The following FGGY variants were observed in gnomAD, a reference collection of about 807,000 sequenced individuals.
FGGY encodes the protein FGGY carbohydrate kinase domain containing.
Under a neutral mutation model 71.3 loss-of-function variants are expected in FGGY, and 72 were observed. The ratio of observed to expected loss-of-function variants is 1.01; its 90% CI spans 0.84 to 1.23. FGGY has a LOEUF of 1.23. FGGY is among the 50% of genes most tolerant of loss of function. The pLI is 0.00. For missense variants in FGGY, 668 were observed against 682.3 expected, an observed-to-expected ratio of 0.98 and a Z score of 0.23; for synonymous variants, 251 against 250.3, an observed-to-expected ratio of 1.00 and a Z score of -0.02.
intron 5 of FGGY, among the ~76,000 whole-genome samples, chr1:59,434,745 C>G (rs2068061785): frequency 6.6e-6 from 1 of 152,082 alleles, no homozygotes; most frequent in African/African-American, 2.4e-5. Flanking sequence ...ATCCATTTTA[C>G]AAGGGCCCTA....
chr1:59,755,085 G>A (rs2098278852), intron 14 of FGGY: 1 of 152,136 alleles, frequency 6.6e-6, no homozygotes, highest in Non-Finnish European at 1.5e-5. Context: ...TAAACCAACA[G>A]CTCTTTCCTA....
rs367665809 is a variant in FGGY at position 59,381,449 on chromosome 1, A to G, written c.554+2612A>G. Among the ~76,000 whole-genome samples the G allele has an allele frequency of 5.3e-5, 8 of 152,214 alleles. No individual in the cohort carries two copies. The East Asian group carries it at 1.3e-3, about 26-fold the overall frequency. On this transcript the variant is annotated intron_variant, in intron 5 of 15. Coordinates refer to ENST00000303721, the MANE Select transcript of FGGY (RefSeq NM_018291.5). ...TCTATTAACTTTTTTTTCACTTTTT[A>G]AACTTTTCTGTTAAAAGCTGAGATA...
chr1:59,529,543 G>T (rs751427206), intron 7 of FGGY, among the ~76,000 whole-genome samples: 4 of 152,192 alleles, frequency 2.6e-5, no homozygotes, highest in Non-Finnish European at 5.9e-5. Flanking sequence ...CTGAGATGAG[G>T]TCGTGGAATG....
chr1:59,664,164 G>C (rs571491632), intron 12 of FGGY, among the ~76,000 whole-genome samples: 13 of 152,228 alleles, frequency 8.5e-5, no homozygotes, highest in Non-Finnish European at 1.5e-4. Flanking sequence ...ATTTGCATTC[G>C]GTTCTGTACA....
At chr1:59,403,224 G>A (rs1188114384) in intron 5 of FGGY, among the ~76,000 whole-genome samples, 1 of 152,032 alleles carries the variant, frequency 6.6e-6, no homozygotes, top group Non-Finnish European at 1.5e-5. Flanking sequence ...TTTTATTTTT[G>A]TCTTCCTCTC....
intron 5 of FGGY, among the ~76,000 whole-genome samples, chr1:59,420,779 T>A (rs546738043): frequency 6.6e-6 from 1 of 152,280 alleles, no homozygotes; most frequent in South Asian, 2.1e-4. Flanking sequence ...ACTAGAAAGA[T>A]CCTTTTCAAT....
intron 4 of FGGY, among the ~76,000 whole-genome samples, chr1:59,366,046 C>G (rs2153233864): frequency 6.6e-6 from 1 of 152,296 alleles, no homozygotes; most frequent in Middle Eastern, 3.4e-3. Context: ...ACAGTGGTGT[C>G]ACACTCCTGG....
chr1:59,418,541 A>G (rs1284948635), intron 5 of FGGY, among the ~76,000 whole-genome samples: 1 of 152,172 alleles, frequency 6.6e-6, no homozygotes, highest in East Asian at 1.9e-4. Flanking sequence ...AAGTGGTTAC[A>G]TTCTTGTGAG....
chr1:59,644,526 A>T (rs1398468685), intron 11 of FGGY, among the ~76,000 whole-genome samples: 3 of 152,264 alleles, frequency 2.0e-5, no homozygotes, highest in African/African-American at 4.8e-5. Flanking sequence ...ACATACGATT[A>T]TTTAAAAGAA....
chr1:59,480,015 AACTCTTTCC>A (rs1481980433), intron 6 of FGGY, among the ~76,000 whole-genome samples: 3 of 152,186 alleles, frequency 2.0e-5, no homozygotes, highest in African/African-American at 7.2e-5. Flanking sequence ...ATAATTCATG[AACTCTTTCC>A]ACCTCAAAAT....
At chr1:59,671,775 A>G (rs1558753413) in intron 13 of FGGY, among the ~76,000 whole-genome samples, 1 of 152,182 alleles carries the variant, frequency 6.6e-6, no homozygotes, top group East Asian at 1.9e-4. Flanking sequence ...CATTTTTCAG[A>G]TGAGAAAGCT....
At chr1:59,749,551 A>C (rs1224375544) in intron 14 of FGGY, among the ~76,000 whole-genome samples, 2 of 152,208 alleles carry the variant, frequency 1.3e-5, no homozygotes, top group Non-Finnish European at 2.9e-5. Context: ...AAAACAGCCC[A>C]GAGAGGTAAA....
At chr1:59,406,025 A>C (rs1175522587) in intron 5 of FGGY, among the ~76,000 whole-genome samples, 1 of 151,948 alleles carries the variant, frequency 6.6e-6, no homozygotes, top group Non-Finnish European at 1.5e-5. Flanking sequence ...AGAAGACAAA[A>C]ATGTAGTGAA....
At chr1:59,659,513 G>A (rs77295666) in intron 11 of FGGY, among the ~76,000 whole-genome samples, 2,288 of 152,222 alleles carry the variant, frequency 0.015, 67 homozygotes, top group African/African-American at 0.053. Flanking sequence ...AGTTGGGCTC[G>A]GCTTGAAGAA....
intron 1 of FGGY, among the ~76,000 whole-genome samples, chr1:59,305,937 A>T (rs2043373114): frequency 6.6e-6 from 1 of 152,192 alleles, no homozygotes; most frequent in Non-Finnish European, 1.5e-5. Flanking sequence ...TGTTCTCCAC[A>T]GACTTTCAGC....
chr1:59,638,510 T>C (rs2096985687), intron 11 of FGGY, 135 bp downstream of exon 11: 6 of 955,222 alleles, frequency 6.3e-6, no homozygotes, highest in Non-Finnish European at 9.3e-6. Context: ...TGCAGATGCA[T>C]TGCTGTTGCT....
chr1:59,610,788 C>T (rs2096668507), intron 9 of FGGY, among the ~76,000 whole-genome samples: 1 of 152,238 alleles, frequency 6.6e-6, no homozygotes, highest in Admixed American at 6.5e-5. Flanking sequence ...ACAGATGGCA[C>T]CTGGAAAATT....
At chr1:59,562,375 T>C (rs1313074978) in intron 8 of FGGY, among the ~76,000 whole-genome samples, 1 of 152,158 alleles carries the variant, frequency 6.6e-6, no homozygotes, top group East Asian at 1.9e-4. Context: ...CAGAAGCCAT[T>C]AATTCTTCCA....
intron 8 of FGGY, among the ~76,000 whole-genome samples, chr1:59,555,481 T>C (rs1348756588): frequency 6.6e-6 from 1 of 152,180 alleles, no homozygotes; most frequent in Non-Finnish European, 1.5e-5. Flanking sequence ...AATGAGGTGA[T>C]ACTAAGTGCT....
Sources: allele counts gnomAD v4.1 joint callset (sites outside exome capture counted in the v4.1 genomes callset), GRCh38; gene constraint gnomAD v4.1.1; transcripts MANE v1.5; gene names NCBI Gene and HGNC (gene_info 2026-07-23, HGNC 2026-07-21).